Variants in SNX10 observed in about 807,000 individuals in gnomAD.
SNX10 encodes the protein sorting nexin-10.
A neutral mutation model predicts 28.5 loss-of-function variants in SNX10; 25 were observed. The ratio of observed to expected loss-of-function variants is 0.88; its 90% CI spans 0.64 to 1.22. The LOEUF is 1.22. Ranked by LOEUF, SNX10 falls within the 50% of genes most tolerant of loss-of-function variation. SNX10 has a pLI of 0.00. For missense variants in SNX10, 223 were observed against 242.6 expected, an observed-to-expected ratio of 0.92 and a Z score of 0.54; for synonymous variants, 62 against 81.4, an observed-to-expected ratio of 0.76 and a Z score of 1.28.
chr7:26,321,970 C>T (rs1787328236), intron 1 of SNX10, among the ~76,000 whole-genome samples: 1 of 152,142 alleles, frequency 6.6e-6, no homozygotes, highest in Admixed American at 6.5e-5. Context: ...CCTTTGTCAG[C>T]TGCATTGCTC....
At chr7:26,352,663 T>A (rs1335515711) in intron 2 of SNX10, among the ~76,000 whole-genome samples, 1 of 152,212 alleles carries the variant, frequency 6.6e-6, no homozygotes, top group African/African-American at 2.4e-5. Context: ...ATGACCTTTT[T>A]AAAAAATGAA....
intron 2 of SNX10, among the ~76,000 whole-genome samples, chr7:26,352,747 T>G (rs1788657725): frequency 6.6e-6 from 1 of 152,260 alleles, no homozygotes; most frequent in African/African-American, 2.4e-5. Context: ...ATTACCTTGA[T>G]TATTTTGAAA....
rs1394120427 is a variant in SNX10 at position 26,372,051 on chromosome 7, GATTTA to G, written c.524+21_524+25del. 2.7e-6 allele frequency: 4 copies of G among 1,496,018 alleles called. No homozygotes were observed. Among genetic ancestry groups the G allele is most frequent in the Non-Finnish European group, 2.8e-6 (3 of 1,078,258 alleles). 92.7% of individuals were successfully genotyped at this position (1,496,018 alleles called of 1,614,324 possible). ...TCAGAAAGGTATTTCCTTGCATTTT[GATTTA>G]ATGTATATGTATTTATATAATACAT... On this transcript the variant is annotated intron_variant, in intron 6 of 6. Coordinates refer to ENST00000338523, the MANE Select transcript of SNX10 (RefSeq NM_013322.3).
intron 1 of SNX10, among the ~76,000 whole-genome samples, chr7:26,342,821 T>C (rs1161099326): frequency 6.6e-6 from 1 of 152,000 alleles, no homozygotes; most frequent in African/African-American, 2.4e-5. Context: ...TTCTTTTTTA[T>C]ATTTTGAGAC....
At chr7:26,308,627 C>T (rs1046054087) in intron 1 of SNX10, among the ~76,000 whole-genome samples, 1 of 152,096 alleles carries the variant, frequency 6.6e-6, no homozygotes. Flanking sequence ...TTGTCCTGTG[C>T]GTCTCCATCT....
At chr7:26,331,453 G>A (rs1023440728) in intron 1 of SNX10, among the ~76,000 whole-genome samples, 2 of 152,022 alleles carry the variant, frequency 1.3e-5, no homozygotes, top group African/African-American at 4.8e-5. Context: ...GGGCATGGTG[G>A]CCCATGCCTG....
At chr7:26,336,974 G>A (rs927658199) in intron 1 of SNX10, among the ~76,000 whole-genome samples, 3 of 152,010 alleles carry the variant, frequency 2.0e-5, no homozygotes, top group Non-Finnish European at 4.4e-5. Context: ...TCAAATTATC[G>A]AGTTAAAGAA....
intron 2 of SNX10, among the ~76,000 whole-genome samples, chr7:26,360,296 A>G (rs1330477864): frequency 6.6e-6 from 1 of 152,092 alleles, no homozygotes; most frequent in East Asian, 1.9e-4. Flanking sequence ...TCTTTTGCCC[A>G]GGCTGGAGTG....
chr7:26,365,161 CT>C lies in SNX10; in HGVS notation c.311+20del, dbSNP rs769593459. On this transcript the variant is annotated intron_variant, in intron 5 of 6. Coordinates refer to ENST00000338523, the MANE Select transcript of SNX10 (RefSeq NM_013322.3). ...TCCTCAGAAAGTGAGTGTCCAGAAA[CT>C]TTTGTGGCCAGACAAGGGGTGTGAG... The C allele has an allele frequency of 9.3e-6, 14 of 1,502,954 alleles. No homozygotes were observed. Among genetic ancestry groups the C allele is most frequent in the South Asian group, 4.5e-5 (4 of 88,850 alleles). The allele number at this position is 1,502,954 out of a possible 1,614,324, so 93.1% of individuals were successfully genotyped here.
At chr7:26,302,032 G>A (rs980681475) in intron 1 of SNX10, among the ~76,000 whole-genome samples, 1 of 152,166 alleles carries the variant, frequency 6.6e-6, no homozygotes, top group African/African-American at 2.4e-5. Flanking sequence ...TGGGGACTGG[G>A]TCATACGTTT....
rs1785929194 is a variant in SNX10 at position 26,291,901 on chromosome 7, C to CGCGGGCGCGGGGCCGCT, written c.-208_-192dup. 1.4e-5 allele frequency: 2 copies of CGCGGGCGCGGGGCCGCT among 141,548 alleles called. No individual in the cohort carries two copies. The highest frequency in any genetic ancestry group is 3.1e-5 in the Non-Finnish European group (2 of 63,550). The allele number at this position is 141,548 out of a possible 1,614,324, so 8.8% of individuals were successfully genotyped here. ...CCACAGGCGGACGGCTGGCGCTGAG[C>CGCGGGCGCGGGGCCGCT]GCGGGCGCGGGGCCGCTACGTGCGC... is the stretch of plus-strand genomic sequence containing the variant. On this transcript the variant is annotated 5_prime_UTR_variant, in exon 1 of 7. Transcript: ENST00000338523.
intron 2 of SNX10, 105 bp downstream of exon 2, chr7:26,346,571 C>T: frequency 1.2e-6 from 1 of 859,260 alleles, no homozygotes; most frequent in South Asian, 1.3e-5. Context: ...GAGGAGGTTT[C>T]ATGAAAGACC....
intron 1 of SNX10, among the ~76,000 whole-genome samples, chr7:26,322,863 G>T (rs1038462391): frequency 5.3e-5 from 8 of 152,094 alleles, no homozygotes; most frequent in African/African-American, 1.9e-4. Context: ...AAAAGCAAAT[G>T]TCTCTACCCT....
intron 1 of SNX10, among the ~76,000 whole-genome samples, chr7:26,332,232 C>T (rs1478236678): frequency 2.0e-5 from 3 of 152,174 alleles, no homozygotes; most frequent in Non-Finnish European, 2.9e-5. Context: ...TGCTTTACCT[C>T]CTTGGCAGCA....
chr7:26,361,858 C>T (rs965123643), intron 3 of SNX10, among the ~76,000 whole-genome samples: 1 of 152,188 alleles, frequency 6.6e-6, no homozygotes, highest in Non-Finnish European at 1.5e-5. Flanking sequence ...AGTTTATTGG[C>T]CCCGATTTTG....
chr7:26,372,377 T>C (rs1789589480), intron 6 of SNX10, 114 bp from the exon 7 acceptor site: 4 of 724,160 alleles, frequency 5.5e-6, no homozygotes, highest in Non-Finnish European at 9.7e-6. Context: ...CCAAATTTCC[T>C]GTCTCTCTTT....
At chr7:26,354,581 A>G (rs1414394961) in intron 2 of SNX10, among the ~76,000 whole-genome samples, 1 of 152,178 alleles carries the variant, frequency 6.6e-6, no homozygotes, top group Non-Finnish European at 1.5e-5. Context: ...ATGTTTCACC[A>G]TGTTTCCCAG....
chr7:26,337,436 GA>G (rs1231757469), intron 1 of SNX10, among the ~76,000 whole-genome samples: 1 of 152,140 alleles, frequency 6.6e-6, no homozygotes, highest in African/African-American at 2.4e-5. Context: ...CAGTAAACAA[GA>G]ATGTTCCATT....
At chr7:26,343,250 T>A (rs1788249366) in intron 1 of SNX10, among the ~76,000 whole-genome samples, 1 of 152,176 alleles carries the variant, frequency 6.6e-6, no homozygotes, top group African/African-American at 2.4e-5. Flanking sequence ...AACCATTTGT[T>A]CACATTACAG....
Sources: gnomAD v4.1 joint callset for allele counts (sites outside exome capture counted in the v4.1 genomes callset) on GRCh38, gnomAD v4.1.1 for gene constraint, MANE v1.5 for transcripts, NCBI Gene and HGNC (gene_info 2026-07-23, HGNC 2026-07-21) for gene names.